The following CCSER1 variants were observed in gnomAD, a reference collection of about 807,000 sequenced individuals.
CCSER1 encodes serine-rich coiled-coil domain-containing protein 1.
In CCSER1, 41 loss-of-function variants were observed where a neutral mutation model predicts 82.0. That is an observed-to-expected ratio of 0.50 (90% CI 0.39 to 0.65). CCSER1 has a LOEUF of 0.65. CCSER1 is among the 30% of genes least tolerant of loss of function. The probability of loss-of-function intolerance (pLI) is 0.00; values close to 1 mark genes in which losing one functional copy is unlikely to be tolerated. For synonymous variants in CCSER1, 414 were observed against 383.9 expected (o/e 1.08, Z -0.92); for missense variants, 1,119 against 1,064.2 (o/e 1.05, Z -0.72).
intron 3 of CCSER1, among the ~76,000 whole-genome samples, chr4:90,392,817 T>C (rs1045860395): frequency 6.6e-6 from 1 of 152,178 alleles, no homozygotes; most frequent in Non-Finnish European, 1.5e-5. Context: ...GTGGCTGCTA[T>C]GCTGAGAGTT....
rs1264741324 is a variant in CCSER1, at chr4:91,173,629, GTC to G, written c.2217+87640_2217+87641del. On this transcript the variant is annotated intron_variant, in intron 10 of 10. Coordinates refer to ENST00000509176, the MANE Select transcript of CCSER1 (RefSeq NM_001145065.2). The stretch of plus-strand genomic sequence containing the variant: ...AAAAAAAAAAAAAAAAGTGATAAGA[GTC>G]TCTCAGAGGCATTCAGAGATTTTGC... 4.7e-5 allele frequency among the ~76,000 whole-genome samples: 7 copies of G among 149,788 alleles called. No individual in the cohort carries two copies. The East Asian group carries it at 1.2e-3, about 25-fold the overall frequency.
At chr4:91,328,645 G>A (rs1300982667) in intron 10 of CCSER1, among the ~76,000 whole-genome samples, 5 of 152,106 alleles carry the variant, frequency 3.3e-5, no homozygotes, top group African/African-American at 1.2e-4. Flanking sequence ...TTAATTAACA[G>A]TGAAAGTTTA....
At chr4:90,426,188 T>A (rs979457475) in intron 4 of CCSER1, among the ~76,000 whole-genome samples, 8 of 152,214 alleles carry the variant, frequency 5.3e-5, no homozygotes, top group African/African-American at 1.9e-4. Context: ...ACATTCTTTC[T>A]CATCTATAAA....
At chr4:90,982,964 A>G (rs1349077361) in intron 9 of CCSER1, among the ~76,000 whole-genome samples, 1 of 151,770 alleles carries the variant, frequency 6.6e-6, no homozygotes, top group South Asian at 2.1e-4. Context: ...TTATAGTAGT[A>G]CATCTAAGTG....
At chr4:90,964,515 G>A (rs891137669) in intron 9 of CCSER1, among the ~76,000 whole-genome samples, 2 of 151,372 alleles carry the variant, frequency 1.3e-5, no homozygotes, top group African/African-American at 4.9e-5. Flanking sequence ...CACGAGGTCA[G>A]GAGATCGGGA....
At chr4:90,621,681 C>A (rs1420628054) in intron 5 of CCSER1, among the ~76,000 whole-genome samples, 1 of 152,166 alleles carries the variant, frequency 6.6e-6, no homozygotes, top group African/African-American at 2.4e-5. Context: ...ATATTTGACA[C>A]ACATGAATGG....
intron 5 of CCSER1, among the ~76,000 whole-genome samples, chr4:90,523,084 T>C (rs374880092): frequency 2.3e-4 from 35 of 152,256 alleles, no homozygotes; most frequent in East Asian, 1.5e-3. Flanking sequence ...AGGAATATAT[T>C]GGTTTGAGGT....
intron 10 of CCSER1, among the ~76,000 whole-genome samples, chr4:91,511,527 C>T (rs1472408374): frequency 1.3e-5 from 2 of 152,104 alleles, no homozygotes; most frequent in African/African-American, 4.8e-5. Flanking sequence ...TGGACTGGTA[C>T]CACACAGCAG....
intron 5 of CCSER1, among the ~76,000 whole-genome samples, chr4:90,595,983 A>T (rs1175463588): frequency 6.6e-6 from 1 of 151,908 alleles, no homozygotes; most frequent in Non-Finnish European, 1.5e-5. Context: ...GGAGAGTTTG[A>T]TAAAGTACTA....
At chr4:91,511,387 G>C (rs192251845) in intron 10 of CCSER1, among the ~76,000 whole-genome samples, 1 of 152,308 alleles carries the variant, frequency 6.6e-6, no homozygotes, top group Admixed American at 6.5e-5. Flanking sequence ...GACAGGAATA[G>C]TGTTGAATAG....
chr4:91,275,786 G>C (rs1441342480), intron 10 of CCSER1, among the ~76,000 whole-genome samples: 1 of 152,100 alleles, frequency 6.6e-6, no homozygotes, highest in East Asian at 1.9e-4. Context: ...CAGTTTTATA[G>C]TTTCAGCTTT....
At chr4:91,588,375 CTT>C (rs1021630708) in intron 10 of CCSER1, among the ~76,000 whole-genome samples, 2 of 151,474 alleles carry the variant, frequency 1.3e-5, no homozygotes, top group Non-Finnish European at 3.0e-5. Flanking sequence ...AAATAAGCCT[CTT>C]ATCTCTAAGG....
chr4:90,128,268 G>T (rs1449742125), intron 1 of CCSER1, among the ~76,000 whole-genome samples: 5 of 152,160 alleles, frequency 3.3e-5, no homozygotes, highest in Non-Finnish European at 7.4e-5. Context: ...GTGCTGAGGC[G>T]GGGACGGCGG....
intron 8 of CCSER1, among the ~76,000 whole-genome samples, chr4:90,822,903 T>C (rs1174397285): frequency 6.6e-6 from 1 of 152,130 alleles, no homozygotes; most frequent in African/African-American, 2.4e-5. Context: ...AAATACTTAT[T>C]ATGTTTTCTT....
intron 1 of CCSER1, among the ~76,000 whole-genome samples, chr4:90,257,266 C>A (rs1463133121): frequency 4.6e-5 from 7 of 151,932 alleles, no homozygotes; most frequent in African/African-American, 1.5e-4. Flanking sequence ...CATTGCTATT[C>A]ATTATCAAAT....
rs1764873628 is a variant in CCSER1 at position 91,603,262 on chromosome 4, T to G, written c.*4205T>G. The G allele has an allele frequency of 6.6e-6, 1 of 152,144 alleles. No homozygotes were observed. Among genetic ancestry groups the G allele is most frequent in the Non-Finnish European group, 1.5e-5 (1 of 67,984 alleles). 9.4% of individuals were successfully genotyped at this position (152,144 alleles called of 1,614,324 possible). Reference sequence around the variant, plus strand: ...ATTCATCATTGCCAAATGTTTATTTTTGAAATTTTGTTCTGTGCCAACTTG... The same window carrying G: ...ATTCATCATTGCCAAATGTTTATTTGTGAAATTTTGTTCTGTGCCAACTTG... On this transcript the variant is annotated 3_prime_UTR_variant, in exon 11 of 11. Coordinates refer to ENST00000509176, the MANE Select transcript of CCSER1 (RefSeq NM_001145065.2).
chr4:90,407,944 C>G (rs945689560), intron 4 of CCSER1, among the ~76,000 whole-genome samples: 32 of 152,304 alleles, frequency 2.1e-4, no homozygotes, highest in African/African-American at 7.5e-4. Context: ...CCTAATACTG[C>G]ACTTTTCCAA....
chr4:91,023,038 G>T (rs1581361773), intron 9 of CCSER1, among the ~76,000 whole-genome samples: 1 of 152,008 alleles, frequency 6.6e-6, no homozygotes, highest in East Asian at 1.9e-4. Context: ...GTCAATTTTG[G>T]CTTTTGTTGC....
At chr4:90,613,848 C>T (rs1213332949) in intron 5 of CCSER1, among the ~76,000 whole-genome samples, 2 of 152,184 alleles carry the variant, frequency 1.3e-5, no homozygotes, top group Admixed American at 1.3e-4. Context: ...CTGTGACCAG[C>T]TTCTAAGAAG....
Sources: gnomAD v4.1 joint callset for allele counts (sites outside exome capture counted in the v4.1 genomes callset) on GRCh38, gnomAD v4.1.1 for gene constraint, MANE v1.5 for transcripts, NCBI Gene and HGNC (gene_info 2026-07-23, HGNC 2026-07-21) for gene names.